Variants in KCNA1 observed in about 807,000 individuals in gnomAD.
The protein encoded by KCNA1 is potassium voltage-gated channel subfamily A member 1.
KCNA1 carries 19 observed loss-of-function variants against 28.8 expected under a neutral mutation model. The observed-to-expected ratio is 0.66, with a 90% CI of 0.46 to 0.97. KCNA1 has a LOEUF of 0.97. Ranked by LOEUF, KCNA1 falls within the 50% of genes least tolerant of loss-of-function variation. KCNA1 has a pLI of 0.00. For synonymous variants in KCNA1, 311 were observed against 268.8 expected (o/e 1.16, Z -1.53); for missense variants, 419 against 659.7 (o/e 0.64, Z 4.00).
chr12:4,911,374 C>T lies in KCNA1; in HGVS notation c.-5C>T. ...GGCCTCCCACCCCCGCGCCCGGCTT[C>T]CACCATGACGGTGATGTCTGGGGAG... On this transcript the variant is annotated 5_prime_UTR_variant, in exon 2 of 2. Transcript: ENST00000382545. This position sits in a 1 kb window ranked among gnomAD's most constrained non-coding sequence, Gnocchi z 6.6. 1 of 1,610,604 alleles carries T rather than the reference C, an allele frequency of 6.2e-7. No homozygotes were observed. The highest frequency in any genetic ancestry group is 8.5e-7 in the Non-Finnish European group (1 of 1,179,454).
rs1947376183 is a variant in KCNA1, at chr12:4,915,015, T to A, written c.*2149T>A. On this transcript the variant is annotated 3_prime_UTR_variant, in exon 2 of 2. Transcript: ENST00000382545. ...GGCATTGTTGTGGATGTGGGAACACTCAGTTCATAATAACCTTTCCTAGGC... is the reference window on the plus strand; with the variant it reads ...GGCATTGTTGTGGATGTGGGAACACACAGTTCATAATAACCTTTCCTAGGC... 1.2e-5 allele frequency: 2 copies of A among 167,150 alleles called. No individual in the cohort carries two copies. Among genetic ancestry groups the A allele is most frequent in the Non-Finnish European group, 2.9e-5 (2 of 68,190 alleles). The allele number at this position is 167,150 out of a possible 1,614,324, so 10.4% of individuals were successfully genotyped here.
chr12:4,912,365 C>T lies in KCNA1; in HGVS notation c.987C>T (p.Leu329=). 6.2e-7 allele frequency: 1 copy of T among 1,613,976 alleles called. No homozygotes were observed. The highest frequency in any genetic ancestry group is 8.5e-7 in the Non-Finnish European group (1 of 1,180,016). Residue 329 remains leucine (L), a synonymous_variant, in exon 2 of 2, where the codon CTC becomes CTT. Coordinates refer to ENST00000382545, the MANE Select transcript of KCNA1 (RefSeq NM_000217.3). The stretch of plus-strand genomic sequence containing the variant: ...CTAGTATGAGAGAGCTAGGGCTGCT[C>T]ATCTTTTTCCTCTTCATCGGGGTCA... ...LKASMRELGL[L]IFFLFIGVIL... is the part of the protein sequence containing the mutation.
In KCNA1 at chr12:4,911,675, C is replaced by T. The variant is rs772182513; in HGVS notation, c.297C>T (p.Gly99=). The T allele has an allele frequency of 8.7e-6, 14 of 1,614,050 alleles. No homozygotes were observed. The Admixed American group carries it at 1.2e-4, about 13-fold the overall frequency. The stretch of plus-strand genomic sequence containing the variant: ...CCATCCTCTACTACTACCAGTCCGG[C>T]GGCCGCCTGCGGAGGCCGGTCAACG... ...FDAILYYYQS[G]GRLRRPVNVP... is the part of the protein sequence containing the mutation. Residue 99 remains glycine (G), a synonymous_variant, in exon 2 of 2, where the codon GGC becomes GGT. Transcript: ENST00000382545. This position sits in a 1 kb window ranked among gnomAD's most constrained non-coding sequence, Gnocchi z 6.6.
At position 4,911,912 on chromosome 12, in the gene KCNA1, C is replaced by T; in HGVS notation, c.534C>T (p.Leu178=). The T allele has an allele frequency of 6.2e-7, 1 of 1,614,094 alleles. No homozygotes were observed. Among genetic ancestry groups the T allele is most frequent in the South Asian group, 1.1e-5 (1 of 91,068 alleles). ...VIAIVSVMVI[L]ISIVIFCLET... Reference sequence around the variant, plus strand: ...CCATCGTCTCCGTCATGGTCATCCTCATCTCCATCGTCATCTTTTGCCTGG... The same window carrying T: ...CCATCGTCTCCGTCATGGTCATCCTTATCTCCATCGTCATCTTTTGCCTGG... The change falls in exon 2 of 2, where the codon CTC becomes CTT. Residue 178 remains leucine, a synonymous_variant. Coordinates refer to ENST00000382545, the MANE Select transcript of KCNA1 (RefSeq NM_000217.3). This position sits in a 1 kb window ranked among gnomAD's most constrained non-coding sequence, Gnocchi z 6.6.
At position 4,915,708 on chromosome 12, in the gene KCNA1, A is replaced by C. The variant is rs1372764715; in HGVS notation, c.*2842A>C. 1 of 167,078 alleles carries C rather than the reference A, an allele frequency of 6.0e-6. No individual in the cohort carries two copies. Among genetic ancestry groups the C allele is most frequent in the Non-Finnish European group, 1.5e-5 (1 of 68,132 alleles). The allele number at this position is 167,078 out of a possible 1,614,324, so 10.3% of individuals were successfully genotyped here. A position where few individuals can be genotyped will look rare whatever the true frequency, so the allele number is the denominator to read the frequency against. On this transcript the variant is annotated 3_prime_UTR_variant, in exon 2 of 2. Transcript: ENST00000382545. ...AGGCTTGGGGTTATCTTGATCTTTCATTTCAACGTTGAGGTCTAGTGCACA... is the reference window on the plus strand; with the variant it reads ...AGGCTTGGGGTTATCTTGATCTTTCCTTTCAACGTTGAGGTCTAGTGCACA...
chr12:4,910,697 G>T lies in KCNA1; in HGVS notation c.-539-143G>T, dbSNP rs1947344582. 6.5e-6 allele frequency: 1 copy of T among 153,464 alleles called. No homozygotes were observed. The highest frequency in any genetic ancestry group is 1.5e-5 in the Non-Finnish European group (1 of 68,574). 9.5% of individuals were successfully genotyped at this position (153,464 alleles called of 1,614,324 possible). A position where few individuals can be genotyped will look rare whatever the true frequency, so the allele number is the denominator to read the frequency against. On this transcript the variant is annotated intron_variant, in intron 1 of 1. Coordinates refer to ENST00000382545, the MANE Select transcript of KCNA1 (RefSeq NM_000217.3). The surrounding 1 kb of genome is among the most constrained non-coding windows in gnomAD (Gnocchi z 4.9). ...TTGGATTTCCGGGTGTCTGCGTGTCGTCTGTCCGTGTGTGTGTGATAGCCC... is the reference window on the plus strand; with the variant it reads ...TTGGATTTCCGGGTGTCTGCGTGTCTTCTGTCCGTGTGTGTGTGATAGCCC...
Position 4,911,353 on chromosome 12 carries a change from T to C in KCNA1, c.-26T>C. 6.3e-7 allele frequency: 1 copy of C among 1,577,844 alleles called. No individual in the cohort carries two copies. ...TCCCACCCCGGGCTCTCTCCTGGCC[T>C]CCCACCCCCGCGCCCGGCTTCCACC... On this transcript the variant is annotated 5_prime_UTR_variant, in exon 2 of 2. Transcript: ENST00000382545. The surrounding 1 kb of genome is among the most constrained non-coding windows in gnomAD (Gnocchi z 6.6).
At position 4,917,072 on chromosome 12, in the gene KCNA1, G is replaced by A. The variant is rs903003873; in HGVS notation, c.*4206G>A. 6.0e-6 allele frequency: 1 copy of A among 167,018 alleles called. No individual in the cohort carries two copies. 10.3% of individuals were successfully genotyped at this position (167,018 alleles called of 1,614,324 possible). A position where few individuals can be genotyped will look rare whatever the true frequency, so the allele number is the denominator to read the frequency against. On this transcript the variant is annotated 3_prime_UTR_variant, in exon 2 of 2. Coordinates refer to ENST00000382545, the MANE Select transcript of KCNA1 (RefSeq NM_000217.3). Reference sequence around the variant, plus strand: ...TTCTTCCAGGAATGACTTATTCCTGGGGTGGTGAGAATTGGTGGGTGGTAA... The same window carrying A: ...TTCTTCCAGGAATGACTTATTCCTGAGGTGGTGAGAATTGGTGGGTGGTAA...
At position 4,911,439 on chromosome 12, in the gene KCNA1, G is replaced by A. The variant is rs747465523; in HGVS notation, c.61G>A (p.Asp21Asn). Residue 21 changes from aspartate (D) to asparagine (N), a missense_variant, in exon 2 of 2, where the codon GAT (aspartate) becomes AAT (asparagine). Asp to Asn is a conservative substitution (Grantham distance 23, BLOSUM62 1). Around this residue, in one of 4 missense-constraint regions of KCNA1, gnomAD observed 67 missense variants for 57.2 expected, o/e 1.17. Coordinates refer to ENST00000382545, the MANE Select transcript of KCNA1 (RefSeq NM_000217.3). The surrounding 1 kb of genome is among the most constrained non-coding windows in gnomAD (Gnocchi z 6.6). ...TTCGGCCGCCCCGGGCCACCCCCAG[G>A]ATGGCAGCTACCCCCGGCAGGCCGA... ...EASAAPGHPQ[D>N]GSYPRQADHD... The A allele has an allele frequency of 2.5e-5, 40 of 1,613,642 alleles. No homozygotes were observed. Among genetic ancestry groups the A allele is most frequent in the Non-Finnish European group, 3.1e-5 (37 of 1,179,936 alleles).
Position 4,918,075 on chromosome 12 carries a change from C to T in KCNA1, c.*5209C>T, listed in dbSNP as rs189939908. Reference sequence around the variant, plus strand: ...TAAGGACGTGTCTCATCTTCACCTACTGCGCATTCTCCCTTCTCTAACTGT... The same window carrying T: ...TAAGGACGTGTCTCATCTTCACCTATTGCGCATTCTCCCTTCTCTAACTGT... On this transcript the variant is annotated 3_prime_UTR_variant, in exon 2 of 2. Coordinates refer to ENST00000382545, the MANE Select transcript of KCNA1 (RefSeq NM_000217.3). The T allele has an allele frequency of 2.0e-4, 34 of 167,252 alleles. No individual in the cohort carries two copies. The highest frequency in any genetic ancestry group is 7.9e-4 in the African/African-American group (33 of 41,586). 10.4% of individuals were successfully genotyped at this position (167,252 alleles called of 1,614,324 possible).
Position 4,913,008 on chromosome 12 carries a change from C to G in KCNA1, c.*142C>G. On this transcript the variant is annotated 3_prime_UTR_variant, in exon 2 of 2. Transcript: ENST00000382545. ...GGAATGCTCTATTTAACTGTCAATG[C>G]GTTGTTGCATTGAGGATTTTGGGGG... 1.4e-6 allele frequency: 1 copy of G among 712,120 alleles called. No homozygotes were observed. The highest frequency in any genetic ancestry group is 2.5e-6 in the Non-Finnish European group (1 of 394,222). The allele number at this position is 712,120 out of a possible 1,614,324, so 44.1% of individuals were successfully genotyped here. A position where few individuals can be genotyped will look rare whatever the true frequency, so the allele number is the denominator to read the frequency against.
In KCNA1 at chr12:4,912,215, C is replaced by A. The variant is rs1591627786; in HGVS notation, c.837C>A (p.Asn279Lys). Residue 279 changes from asparagine to lysine, a missense_variant, in exon 2 of 2, where the codon AAC (asparagine) becomes AAA (lysine). Physicochemically the swap from Asn to Lys is moderately conservative, Grantham distance 94. Around this residue, in one of 4 missense-constraint regions of KCNA1, gnomAD observed 217 missense variants for 329.6 expected, o/e 0.66. Transcript: ENST00000382545. ...CCGAGATAGCTGAGCAGGAAGGAAACCAGAAGGGCGAGCAGGCCACCTCCC... is the reference window on the plus strand; with the variant it reads ...CCGAGATAGCTGAGCAGGAAGGAAAACAGAAGGGCGAGCAGGCCACCTCCC... ...LGTEIAEQEGNQKGEQATSLA... is the reference protein window; with the variant it reads ...LGTEIAEQEGKQKGEQATSLA... The A allele has an allele frequency of 1.2e-6, 2 of 1,612,930 alleles. No individual in the cohort carries two copies. Among genetic ancestry groups the A allele is most frequent in the Non-Finnish European group, 1.7e-6 (2 of 1,179,656 alleles).
chr12:4,912,213 A>C lies in KCNA1; in HGVS notation c.835A>C (p.Asn279His). ...LGTEIAEQEG[N>H]QKGEQATSLA... ...CACCGAGATAGCTGAGCAGGAAGGAAACCAGAAGGGCGAGCAGGCCACCTC... is the reference window on the plus strand; with the variant it reads ...CACCGAGATAGCTGAGCAGGAAGGACACCAGAAGGGCGAGCAGGCCACCTC... The change falls in exon 2 of 2, where the codon AAC becomes CAC. Residue 279 changes from asparagine (N) to histidine (H), a missense_variant. Transcript: ENST00000382545. 6.2e-7 allele frequency: 1 copy of C among 1,612,556 alleles called. No homozygotes were observed. Among genetic ancestry groups the C allele is most frequent in the Non-Finnish European group, 8.5e-7 (1 of 1,179,532 alleles).
In KCNA1 at chr12:4,911,408, C is replaced by G. The variant is rs1471834737; in HGVS notation, c.30C>G (p.Asp10Glu). 2 of 1,613,002 alleles carry G rather than the reference C, an allele frequency of 1.2e-6. No individual in the cohort carries two copies. The highest frequency in any genetic ancestry group is 1.1e-5 in the South Asian group (1 of 91,026). ...CGGTGATGTCTGGGGAGAACGTGGA[C>G]GAGGCTTCGGCCGCCCCGGGCCACC... MTVMSGENV[D>E]EASAAPGHPQ... Residue 10 changes from aspartate to glutamate, a missense_variant, in exon 2 of 2, where the codon GAC becomes GAG. Around this residue, in one of 4 missense-constraint regions of KCNA1, gnomAD observed 67 missense variants for 57.2 expected, o/e 1.17. Transcript: ENST00000382545. The surrounding 1 kb of genome is among the most constrained non-coding windows in gnomAD (Gnocchi z 6.6).
chr12:4,911,065 G>T lies in KCNA1; in HGVS notation c.-314G>T, dbSNP rs1249710715. 2.1e-6 allele frequency: 1 copy of T among 466,866 alleles called. No homozygotes were observed. Among genetic ancestry groups the T allele is most frequent in the Non-Finnish European group, 3.9e-6 (1 of 255,694 alleles). The allele number at this position is 466,866 out of a possible 1,614,324, so 28.9% of individuals were successfully genotyped here. ...ACTGCGTTAAGGCACCTGGGATCAG[G>T]AAGAAATATCTAAACAACAACAACA... On this transcript the variant is annotated 5_prime_UTR_variant, in exon 2 of 2. Transcript: ENST00000382545. The surrounding 1 kb of genome is among the most constrained non-coding windows in gnomAD (Gnocchi z 6.6).
rs761482576 is a variant in KCNA1 at position 4,912,727 on chromosome 12, G to A, written c.1349G>A (p.Ser450Asn). Residue 450 changes from serine (S) to asparagine (N), a missense_variant, in exon 2 of 2, where the codon AGC becomes AAC. Coordinates refer to ENST00000382545, the MANE Select transcript of KCNA1 (RefSeq NM_000217.3). Reference sequence around the variant, plus strand: ...AGTCGCCGCAGTTCCTCTACTATGAGCAAGTCTGAGTACATGGAGATCGAA... The same window carrying A: ...AGTCGCCGCAGTTCCTCTACTATGAACAAGTCTGAGTACATGGAGATCGAA... ...DLSRRSSSTM[S>N]KSEYMEIEED... The A allele has an allele frequency of 1.2e-6, 2 of 1,613,668 alleles. No individual in the cohort carries two copies. Among genetic ancestry groups the A allele is most frequent in the Non-Finnish European group, 1.7e-6 (2 of 1,180,002 alleles).
chr12:4,913,064 C>A lies in KCNA1; in HGVS notation c.*198C>A. 3.3e-6 allele frequency: 2 copies of A among 614,334 alleles called. No homozygotes were observed. The highest frequency in any genetic ancestry group is 5.9e-6 in the Non-Finnish European group (2 of 339,478). 38.1% of individuals were successfully genotyped at this position (614,334 alleles called of 1,614,324 possible). On this transcript the variant is annotated 3_prime_UTR_variant, in exon 2 of 2. Transcript: ENST00000382545. ...AACCAGAAGCTTTCAAGATCCATGA[C>A]AAAATAAACTATTTTCCTTTTATTA...
At position 4,913,041 on chromosome 12, in the gene KCNA1, C is replaced by T. The variant is rs1394464288; in HGVS notation, c.*175C>T. On this transcript the variant is annotated 3_prime_UTR_variant, in exon 2 of 2. Coordinates refer to ENST00000382545, the MANE Select transcript of KCNA1 (RefSeq NM_000217.3). Reference sequence around the variant, plus strand: ...CATTGAGGATTTTGGGGGTGGTGAACCAGAAGCTTTCAAGATCCATGACAA... The same window carrying T: ...CATTGAGGATTTTGGGGGTGGTGAATCAGAAGCTTTCAAGATCCATGACAA... 2 of 644,604 alleles carry T rather than the reference C, an allele frequency of 3.1e-6. No individual in the cohort carries two copies. Among genetic ancestry groups the T allele is most frequent in the East Asian group, 2.7e-5 (1 of 36,590 alleles). 39.9% of individuals were successfully genotyped at this position (644,604 alleles called of 1,614,324 possible).
At position 4,913,977 on chromosome 12, in the gene KCNA1, A is replaced by G. The variant is rs960031250; in HGVS notation, c.*1111A>G. 1 of 166,890 alleles carries G rather than the reference A, an allele frequency of 6.0e-6. No individual in the cohort carries two copies. Among genetic ancestry groups the G allele is most frequent in the Non-Finnish European group, 1.5e-5 (1 of 68,090 alleles). 10.3% of individuals were successfully genotyped at this position (166,890 alleles called of 1,614,324 possible). The stretch of plus-strand genomic sequence containing the variant: ...CTCAAAGCATGTTCTCTTATTCAGC[A>G]TTATGGCCTATTTGACTAAGATGTA... On this transcript the variant is annotated 3_prime_UTR_variant, in exon 2 of 2. Transcript: ENST00000382545.
Sources: allele counts gnomAD v4.1 joint callset, GRCh38; gene constraint gnomAD v4.1.1; regional missense constraint gnomAD v4.1.1; non-coding constraint Gnocchi (gnomAD v3.1); transcripts MANE v1.5; gene names NCBI Gene and HGNC (gene_info 2026-07-23, HGNC 2026-07-21).